The following PRIM2 variants were observed in gnomAD, a reference collection of about 807,000 sequenced individuals.
PRIM2 encodes the protein DNA primase large subunit.
In PRIM2, 39 loss-of-function variants were observed where a neutral mutation model predicts 67.3. The ratio of observed to expected loss-of-function variants is 0.58; its 90% confidence interval spans 0.45 to 0.76. PRIM2 has a LOEUF of 0.76. PRIM2 is among the 30% of genes least tolerant of loss of function. The probability of loss-of-function intolerance (pLI) is 0.00; values close to 1 mark genes in which losing one functional copy is unlikely to be tolerated. For synonymous variants in PRIM2, 143 were observed against 198.7 expected (o/e 0.72, Z 2.36); for missense variants, 398 against 598.7 (o/e 0.66, Z 3.50).
intron 12 of PRIM2, among the ~76,000 whole-genome samples, chr6:57,606,907 A>G (rs1357015582): frequency 6.6e-6 from 1 of 152,220 alleles, no homozygotes; most frequent in African/African-American, 2.4e-5. Context: ...GCTGTGTTTA[A>G]TCTACACTTC....
intron 4 of PRIM2, among the ~76,000 whole-genome samples, chr6:57,324,566 A>G (rs773101331): frequency 9.2e-5 from 14 of 152,178 alleles, no homozygotes; most frequent in Non-Finnish European, 1.8e-4. Flanking sequence ...TATTGGGAAG[A>G]AGGACTTTTG....
chr6:57,420,170 A>G (rs960204365), intron 7 of PRIM2, among the ~76,000 whole-genome samples: 2 of 152,188 alleles, frequency 1.3e-5, no homozygotes, highest in Non-Finnish European at 1.5e-5. Flanking sequence ...CTGTTTTAGA[A>G]CTAATTAGTT....
At chr6:57,452,293 A>G (rs1772581954) in intron 7 of PRIM2, among the ~76,000 whole-genome samples, 1 of 152,158 alleles carries the variant, frequency 6.6e-6, no homozygotes, top group South Asian at 2.1e-4. Context: ...CTTTGGGTAT[A>G]TACCCAGTAA....
the PRIM2 span, among the ~76,000 whole-genome samples, chr6:57,263,738 CATCT>C: frequency 6.6e-6 from 1 of 152,184 alleles, no homozygotes; most frequent in African/African-American, 2.4e-5. Context: ...TCTCTTTTGA[CATCT>C]ATCACATCTA....
At chr6:57,260,071 C>T in the PRIM2 span, among the ~76,000 whole-genome samples, 1 of 152,156 alleles carries the variant, frequency 6.6e-6, no homozygotes, top group Non-Finnish European at 1.5e-5. Flanking sequence ...GAGCATTCCT[C>T]AATAATTACT....
the PRIM2 span, among the ~76,000 whole-genome samples, chr6:57,276,324 A>ACACAATTGTGTGAACCC: frequency 6.6e-6 from 1 of 152,176 alleles, no homozygotes; most frequent in Admixed American, 6.5e-5. Context: ...CGGGATGCAG[A>ACACAATTGTGTGAACCC]GGGTTGCAGT....
chr6:57,490,598 A>C (rs1554345890), intron 7 of PRIM2, among the ~76,000 whole-genome samples: 10,602 of 152,280 alleles, frequency 0.07, 529 homozygotes, highest in East Asian at 0.2. Context: ...AGTGTTAACA[A>C]ACAAGAAGTC....
At chr6:57,510,121 ATATTGT>A (rs1268080803) in intron 8 of PRIM2, among the ~76,000 whole-genome samples, 2 of 151,784 alleles carry the variant, frequency 1.3e-5, no homozygotes, top group Non-Finnish European at 2.9e-5. Context: ...AGAATTTGTG[ATATTGT>A]TATTGTTTGT....
chr6:57,608,271 T>C (rs1776596918), intron 12 of PRIM2, among the ~76,000 whole-genome samples: 1 of 152,152 alleles, frequency 6.6e-6, no homozygotes, highest in African/African-American at 2.4e-5. Flanking sequence ...GAGTCCCTTG[T>C]AGCAGAGATT....
the PRIM2 span, among the ~76,000 whole-genome samples, chr6:57,296,996 T>C: frequency 1.8e-3 from 272 of 152,180 alleles, 1 homozygote; most frequent in Non-Finnish European, 2.4e-3. Flanking sequence ...AGGAGAGTAA[T>C]GGACCATACT....
At chr6:57,562,704 C>T (rs1296172012) in intron 10 of PRIM2, among the ~76,000 whole-genome samples, 2 of 152,202 alleles carry the variant, frequency 1.3e-5, no homozygotes, top group Admixed American at 6.5e-5. Flanking sequence ...CTCCTCCTGT[C>T]GTCTTTCCAA....
chr6:57,605,426 T>C (rs1423805595), intron 11 of PRIM2, among the ~76,000 whole-genome samples: 1 of 152,140 alleles, frequency 6.6e-6, no homozygotes, highest in Non-Finnish European at 1.5e-5. Flanking sequence ...GGTTGATAGG[T>C]TTTTTATTCC....
At chr6:57,593,285 T>C (rs1391023886) in intron 10 of PRIM2, among the ~76,000 whole-genome samples, 1 of 151,848 alleles carries the variant, frequency 6.6e-6, no homozygotes, top group Non-Finnish European at 1.5e-5. Context: ...ACATATGTTT[T>C]CTATTTACTT....
the PRIM2 span, among the ~76,000 whole-genome samples, chr6:57,293,673 C>A: frequency 6.6e-6 from 1 of 152,192 alleles, no homozygotes; most frequent in Non-Finnish European, 1.5e-5. Flanking sequence ...GGGATGAGTT[C>A]ATGTCCTTTG....
chr6:57,538,488 A>G (rs1397904466), intron 10 of PRIM2, among the ~76,000 whole-genome samples: 51 of 152,292 alleles, frequency 3.3e-4, no homozygotes, highest in Admixed American at 3.2e-3. Context: ...TGCCCCTTCT[A>G]TGCCATGACA....
the PRIM2 span, among the ~76,000 whole-genome samples, chr6:57,250,376 A>T: frequency 6.6e-6 from 1 of 152,208 alleles, no homozygotes; most frequent in African/African-American, 2.4e-5. Context: ...TAAAAGAAAC[A>T]TGACCACTAT....
intron 7 of PRIM2, among the ~76,000 whole-genome samples, chr6:57,401,201 C>T (rs1412739604): frequency 1.3e-5 from 2 of 152,148 alleles, no homozygotes; most frequent in Non-Finnish European, 2.9e-5. Context: ...GGAGTTCTTG[C>T]TTTGGTTCTT....
intron 5 of PRIM2, among the ~76,000 whole-genome samples, chr6:57,345,474 A>ATGTGTGTGTGTGTGTGTG (rs754685184): frequency 1.0e-4 from 13 of 124,582 alleles, no homozygotes; most frequent in African/African-American, 3.8e-4. Context: ...ATATATATAT[A>ATGTGTGTGTGTGTGTGTG]TGTGTGTGTG....
At chr6:57,391,136 A>C (rs202128815) in intron 7 of PRIM2, among the ~76,000 whole-genome samples, 3 of 13,704 alleles carry the variant, frequency 2.2e-4, no homozygotes, top group African/African-American at 2.0e-3. Context: ...TCTAATGATC[A>C]ATTGATACTG....
Sources: gnomAD v4.1 joint callset for allele counts (sites outside exome capture counted in the v4.1 genomes callset) on GRCh38, gnomAD v4.1.1 for gene constraint, MANE v1.5 for transcripts, NCBI Gene and HGNC (gene_info 2026-07-23, HGNC 2026-07-21) for gene names.